NFAM1: variants seen among roughly 807,000 people sequenced by gnomAD.
NFAM1 encodes NFAT activation molecule 1.
Under a neutral mutation model 29.0 loss-of-function variants are expected in NFAM1, and 17 were observed. The ratio of observed to expected loss-of-function variants is 0.59; its 90% CI spans 0.40 to 0.88. The LOEUF (loss-of-function observed/expected upper bound fraction) is 0.88. NFAM1 is among the 40% of genes least tolerant of loss of function. NFAM1 has a pLI of 0.00. For synonymous variants in NFAM1, 175 were observed against 147.2 expected (o/e 1.19, Z -1.36); for missense variants, 324 against 344.6 (o/e 0.94, Z 0.47).
chr22:42,403,826 G>A (rs1339003737), intron 3 of NFAM1, among the ~76,000 whole-genome samples: 1 of 152,202 alleles, frequency 6.6e-6, no homozygotes, highest in African/African-American at 2.4e-5. Flanking sequence ...GACGAGGGCA[G>A]AGGCAAAAGA....
intron 3 of NFAM1, among the ~76,000 whole-genome samples, chr22:42,407,906 T>C (rs890017967): frequency 0.01 from 1,502 of 145,620 alleles, 30 homozygotes; most frequent in African/African-American, 0.037. Flanking sequence ...GATTTCTCTT[T>C]TTTTTTTTTT....
At chr22:42,401,250 C>G (rs764698215) in intron 3 of NFAM1, among the ~76,000 whole-genome samples, 2 of 152,166 alleles carry the variant, frequency 1.3e-5, no homozygotes, top group Non-Finnish European at 2.9e-5. Context: ...TTAGACATTG[C>G]GAACAGCTCG....
At position 42,414,708 on chromosome 22, in the gene NFAM1, G is replaced by A. The variant is rs555187036; in HGVS notation, c.122-2972C>T. On this transcript the variant is annotated intron_variant, in intron 1 of 5. Transcript: ENST00000329021. ...TGTGTACCTACCCTGTGGCCCCCTC[G>A]ACCTGTGACCTCCATATCCTCACCC... is the stretch of plus-strand genomic sequence containing the variant. 3.4e-4 allele frequency among the ~76,000 whole-genome samples: 51 copies of A among 151,742 alleles called. 1 individual carries two copies. In the South Asian group the frequency reaches 9.8e-3, roughly 29 times the overall value.
chr22:42,401,539 G>A (rs988414694), intron 3 of NFAM1, among the ~76,000 whole-genome samples: 21 of 152,060 alleles, frequency 1.4e-4, no homozygotes, highest in African/African-American at 4.6e-4. Context: ...CTGGGCCGGG[G>A]CAAGGGGTCC....
At chr22:42,421,445 CAA>C (rs202030633) in intron 1 of NFAM1, among the ~76,000 whole-genome samples, 12 of 112,576 alleles carry the variant, frequency 1.1e-4, no homozygotes, top group Non-Finnish European at 1.3e-4. Flanking sequence ...AACTCTGTCT[CAA>C]AAAAAAAAAA....
At position 42,393,975 on chromosome 22, in the gene NFAM1, T is replaced by C. The variant is rs1253109256; in HGVS notation, c.663+3883A>G. 3.3e-5 allele frequency among the ~76,000 whole-genome samples: 5 copies of C among 152,174 alleles called. No homozygotes were observed. In the East Asian group the frequency reaches 5.8e-4, roughly 18 times the overall value. ...TGCCTGGTTGAATGAGTATTCCATA[T>C]ATGTCAATTAGGCCAAGTTTGTTGA... On this transcript the variant is annotated intron_variant, in intron 4 of 5. Transcript: ENST00000329021.
At chr22:42,392,933 G>GGGATTAT in intron 4 of NFAM1, among the ~76,000 whole-genome samples, 1 of 152,078 alleles carries the variant, frequency 6.6e-6, no homozygotes, top group Admixed American at 6.6e-5. Context: ...CCAAGCAGCT[G>GGGATTAT]AGGCAACAGG....
Position 42,390,685 on chromosome 22 carries a change from C to T in NFAM1, c.664-3607G>A, listed in dbSNP as rs188162684. On this transcript the variant is annotated intron_variant, in intron 4 of 5. Coordinates refer to ENST00000329021, the MANE Select transcript of NFAM1 (RefSeq NM_145912.8). Reference sequence around the variant, plus strand: ...TACAAAAATTAGCCGGGCGTGGTGACGGGTGCCTGTAGTCCCAGATACTCA... The same window carrying T: ...TACAAAAATTAGCCGGGCGTGGTGATGGGTGCCTGTAGTCCCAGATACTCA... 2.4e-4 allele frequency among the ~76,000 whole-genome samples: 37 copies of T among 152,098 alleles called. No individual in the cohort carries two copies. In the East Asian group the frequency reaches 6.6e-3, roughly 27 times the overall value.
intron 3 of NFAM1, among the ~76,000 whole-genome samples, chr22:42,399,571 C>G (rs1483511329): frequency 8.6e-5 from 13 of 151,978 alleles, no homozygotes; most frequent in Non-Finnish European, 1.8e-4. Context: ...GCATGAAGAG[C>G]ATAGGAAACA....
At chr22:42,410,200 G>A (rs780134176) in intron 2 of NFAM1, 14 of 182,614 alleles carry the variant, frequency 7.7e-5, no homozygotes, top group Non-Finnish European at 1.7e-4. Flanking sequence ...ATGAAGACCA[G>A]GCCCAAGATC....
At chr22:42,394,478 G>T (rs905880835) in intron 4 of NFAM1, among the ~76,000 whole-genome samples, 1 of 152,144 alleles carries the variant, frequency 6.6e-6, no homozygotes, top group Non-Finnish European at 1.5e-5. Flanking sequence ...ATAGATGTGC[G>T]CCACCACATT....
intron 4 of NFAM1, among the ~76,000 whole-genome samples, chr22:42,390,959 G>C (rs970951434): frequency 1.3e-5 from 2 of 152,178 alleles, no homozygotes; most frequent in African/African-American, 2.4e-5. Flanking sequence ...GACCGTGGCG[G>C]TCGTAAGAAC....
In NFAM1 at chr22:42,432,316, G is replaced by A. The variant is rs763876949; in HGVS notation, c.42C>T (p.Leu14=). 1 of 1,577,500 alleles carries A rather than the reference G, an allele frequency of 6.3e-7. No individual in the cohort carries two copies. Among genetic ancestry groups the A allele is most frequent in the Admixed American group, 1.8e-5 (1 of 54,568 alleles). The change falls in exon 1 of 6, where the codon CTC becomes CTT. Residue 14 remains leucine (L), a synonymous_variant. Transcript: ENST00000329021. ...QPVRWRALPG[L]PRPPGLPAAP... is the part of the protein sequence containing the mutation. ...CTGCGGGGAGCCCAGGAGGGCGTGG[G>A]AGGCCTGGCAGGGCCCGCCACCTCA...
chr22:42,400,544 G>A (rs888063443), intron 3 of NFAM1, among the ~76,000 whole-genome samples: 6 of 152,232 alleles, frequency 3.9e-5, no homozygotes, highest in African/African-American at 1.4e-4. Flanking sequence ...TTGAACCTGG[G>A]AGGTGGAGGT....
intron 3 of NFAM1, among the ~76,000 whole-genome samples, chr22:42,398,386 TTATTATTATTATTATTATTA>T (rs1929607913): frequency 1.5e-4 from 14 of 94,858 alleles, no homozygotes; most frequent in African/African-American, 4.3e-4. Context: ...GTTTTATTTA[TTATTATTATTATTATTATTA>T]TTATTATTAT....
chr22:42,416,412 G>C (rs147332230), intron 1 of NFAM1, among the ~76,000 whole-genome samples: 1 of 152,214 alleles, frequency 6.6e-6, no homozygotes, highest in Non-Finnish European at 1.5e-5. Context: ...TGAGGAAGAA[G>C]AGCCAGCACC....
chr22:42,406,684 TCTGATATATACGAC>T (rs1929909132), intron 3 of NFAM1, among the ~76,000 whole-genome samples: 1 of 152,208 alleles, frequency 6.6e-6, no homozygotes, highest in South Asian at 2.1e-4. Context: ...AATTATCCCA[TCTGATATATACGAC>T]CTACTCACTG....
At chr22:42,389,865 G>C (rs1569225466) in intron 4 of NFAM1, among the ~76,000 whole-genome samples, 1 of 152,248 alleles carries the variant, frequency 6.6e-6, no homozygotes, top group Admixed American at 6.5e-5. Flanking sequence ...GCTGAAGTTA[G>C]TGTCCCTGGG....
At chr22:42,420,018 T>TTTTTTTTTTTTG (rs1930391444) in intron 1 of NFAM1, among the ~76,000 whole-genome samples, 1 of 130,360 alleles carries the variant, frequency 7.7e-6, no homozygotes, top group Non-Finnish European at 1.6e-5. Context: ...TTTTTTTTTT[T>TTTTTTTTTTTTG]TTTTTTTTCT....
Sources: gnomAD v4.1 joint callset for allele counts (sites outside exome capture counted in the v4.1 genomes callset) on GRCh38, gnomAD v4.1.1 for gene constraint, MANE v1.5 for transcripts, NCBI Gene and HGNC (gene_info 2026-07-23, HGNC 2026-07-21) for gene names.